Variants in BAIAP2L2 observed in about 807,000 individuals in gnomAD.
The protein encoded by BAIAP2L2 is BAR/IMD domain containing adaptor protein 2 like 2.
Under a neutral mutation model 60.4 loss-of-function variants are expected in BAIAP2L2, and 65 were observed. That is an observed-to-expected ratio of 1.08 (90% CI 0.88 to 1.32). The LOEUF (loss-of-function observed/expected upper bound fraction) is 1.32. BAIAP2L2 is among the 40% of genes most tolerant of loss of function. The probability of loss-of-function intolerance (pLI) is 0.00; values close to 1 mark genes in which losing one functional copy is unlikely to be tolerated. For missense variants in BAIAP2L2, 836 were observed against 741.2 expected (o/e 1.13, Z -1.48); for synonymous variants, 344 against 301.7 (o/e 1.14, Z -1.45).
intron 11 of BAIAP2L2, among the ~76,000 whole-genome samples, 174 bp downstream of exon 11, chr22:38,086,950 G>A (rs950013895): frequency 4.6e-5 from 7 of 150,610 alleles, no homozygotes; most frequent in African/African-American, 1.5e-4. Flanking sequence ...GAGCCAAGAT[G>A]GCGCCACTGC....
chr22:38,090,958 A>G (rs1267636907), intron 7 of BAIAP2L2: 1 of 152,250 alleles, frequency 6.6e-6, no homozygotes, highest in Non-Finnish European at 1.5e-5. Context: ...GTTTCCCTGC[A>G]GTAACTAATT....
intron 2 of BAIAP2L2, 106 bp downstream of exon 2, chr22:38,109,027 G>T (rs1248938303): frequency 5.1e-6 from 5 of 972,046 alleles, no homozygotes; most frequent in Non-Finnish European, 7.9e-6. Flanking sequence ...AGGGTGTAGG[G>T]TTGAGGATGA....
intron 3 of BAIAP2L2, 83 bp from the exon 4 acceptor site, chr22:38,107,996 A>G: frequency 2.8e-6 from 4 of 1,447,908 alleles, no homozygotes; most frequent in Non-Finnish European, 3.8e-6. Context: ...GAAAGCCAAC[A>G]GAGGGCCTGC....
rs1367296282 is a variant in BAIAP2L2 at position 38,110,531 on chromosome 22, G to T, written c.-6C>A. The T allele has an allele frequency of 4.3e-5, 70 of 1,609,258 alleles. No homozygotes were observed. The East Asian group carries it at 1.5e-3, about 36-fold the overall frequency. On this transcript the variant is annotated 5_prime_UTR_variant, in exon 1 of 14. Transcript: ENST00000381669. ...TGGTCCATCTCGGGGGCCATGGAGG[G>T]GCTGTCCCGGGTCTGAGCAGGAGGC...
At chr22:38,109,525 G>T (rs1442013048) in intron 1 of BAIAP2L2, among the ~76,000 whole-genome samples, 1 of 152,160 alleles carries the variant, frequency 6.6e-6, no homozygotes, top group African/African-American at 2.4e-5. Context: ...TCCTCCCGCT[G>T]GGCAGAAGCT....
chr22:38,094,993 A>G (rs1378086960), intron 7 of BAIAP2L2, among the ~76,000 whole-genome samples: 1 of 152,042 alleles, frequency 6.6e-6, no homozygotes, highest in Non-Finnish European at 1.5e-5. Flanking sequence ...CTCTACTAAA[A>G]ATACAAAAAT....
chr22:38,110,623 G>T lies in BAIAP2L2; in HGVS notation c.-98C>A. 1 of 1,013,962 alleles carries T rather than the reference G, an allele frequency of 9.9e-7. No homozygotes were observed. The highest frequency in any genetic ancestry group is 1.4e-6 in the Non-Finnish European group (1 of 700,056). 62.8% of individuals were successfully genotyped at this position (1,013,962 alleles called of 1,614,324 possible). On this transcript the variant is annotated 5_prime_UTR_variant, in exon 1 of 14. In the 5' UTR this introduces an upstream ATG that the reference lacks. Transcript: ENST00000381669. Reference sequence around the variant, plus strand: ...TAGTCCCTCAGGTGCCCACGACTCAGCTGGCAGCGAGGAAGCCTCGGAGAG... The same window carrying T: ...TAGTCCCTCAGGTGCCCACGACTCATCTGGCAGCGAGGAAGCCTCGGAGAG...
intron 13 of BAIAP2L2, 143 bp downstream of exon 13, chr22:38,085,543 C>T: frequency 1.6e-6 from 2 of 1,269,740 alleles, no homozygotes; most frequent in Non-Finnish European, 2.3e-6. Flanking sequence ...GAGATAGGGT[C>T]TCACAGTGTT....
intron 7 of BAIAP2L2, 137 bp downstream of exon 7, chr22:38,096,895 G>T: frequency 9.4e-7 from 1 of 1,062,152 alleles, no homozygotes; most frequent in Non-Finnish European, 1.3e-6. Flanking sequence ...GATGGAGATA[G>T]CAAAATAAAA....
chr22:38,098,304 G>A, intron 5 of BAIAP2L2, 107 bp downstream of exon 5: 1 of 1,446,918 alleles, frequency 6.9e-7, no homozygotes, highest in Admixed American at 1.7e-5. Flanking sequence ...TGGATAATCT[G>A]GGGCCCAGTC....
At chr22:38,094,523 AT>A (rs1233559083) in intron 7 of BAIAP2L2, among the ~76,000 whole-genome samples, 4 of 152,156 alleles carry the variant, frequency 2.6e-5, no homozygotes, top group African/African-American at 9.7e-5. Context: ...TATTGAAAAT[AT>A]TTTAAGCTTG....
chr22:38,088,009 T>C (rs142766902), intron 10 of BAIAP2L2, among the ~76,000 whole-genome samples: 49 of 151,472 alleles, frequency 3.2e-4, no homozygotes, highest in African/African-American at 1.1e-3. Context: ...GGACCACTCA[T>C]CCATCCGTGG....
intron 4 of BAIAP2L2, 102 bp downstream of exon 4, chr22:38,107,750 T>A: frequency 8.8e-7 from 1 of 1,137,962 alleles, no homozygotes; most frequent in Non-Finnish European, 1.3e-6. Flanking sequence ...GCAGCCACGG[T>A]CATCCTCCCT....
chr22:38,096,580 G>T (rs1278158746), intron 7 of BAIAP2L2, among the ~76,000 whole-genome samples: 1 of 152,132 alleles, frequency 6.6e-6, no homozygotes, highest in African/African-American at 2.4e-5. Flanking sequence ...GCTTGAACCC[G>T]GGAGGGAGAG....
chr22:38,089,333 G>T (rs1247738676), intron 8 of BAIAP2L2, 102 bp from the exon 9 acceptor site: 1 of 578,282 alleles, frequency 1.7e-6, no homozygotes, highest in Non-Finnish European at 2.5e-6. Context: ...CGGCGTAGGG[G>T]TTCTGGGGGC....
intron 7 of BAIAP2L2, among the ~76,000 whole-genome samples, chr22:38,096,586 G>C (rs1358087596): frequency 3.3e-5 from 5 of 152,084 alleles, no homozygotes; most frequent in Non-Finnish European, 5.9e-5. Flanking sequence ...ACCCGGGAGG[G>C]AGAGGTTGCA....
At position 38,099,272 on chromosome 22, in the gene BAIAP2L2, G is replaced by T. The variant is rs1019855255; in HGVS notation, c.277-790C>A. Reference sequence around the variant, plus strand: ...GACCAGCCTGGGCATGGTGGCTTACGCCTGTAATCCCAGCACTTTGGGAGG... The same window carrying T: ...GACCAGCCTGGGCATGGTGGCTTACTCCTGTAATCCCAGCACTTTGGGAGG... On this transcript the variant is annotated intron_variant, in intron 4 of 13. Coordinates refer to ENST00000381669, the MANE Select transcript of BAIAP2L2 (RefSeq NM_025045.6). Among the ~76,000 whole-genome samples the T allele has an allele frequency of 2.0e-5, 3 of 152,142 alleles. No homozygotes were observed. In the South Asian group the frequency reaches 6.2e-4, roughly 32 times the overall value.
At chr22:38,087,390 A>G in intron 10 of BAIAP2L2, 126 bp from the exon 11 acceptor site, 1 of 1,120,164 alleles carries the variant, frequency 8.9e-7, no homozygotes, top group East Asian at 2.7e-5. Context: ...ACTACAATCA[A>G]TTCCGTATGT....
At chr22:38,104,761 G>T (rs1422720840) in intron 4 of BAIAP2L2, among the ~76,000 whole-genome samples, 1 of 152,116 alleles carries the variant, frequency 6.6e-6, no homozygotes, top group Admixed American at 6.6e-5. Context: ...CTCCCAAAGT[G>T]CTGGGATTAC....
Sources: gnomAD v4.1 joint callset for allele counts (sites outside exome capture counted in the v4.1 genomes callset) on GRCh38, gnomAD v4.1.1 for gene constraint, MANE v1.5 for transcripts, NCBI Gene and HGNC (gene_info 2026-07-23, HGNC 2026-07-21) for gene names.